The following FRAS1 variants were observed in gnomAD, a reference collection of about 807,000 sequenced individuals.
FRAS1 encodes the protein Fraser extracellular matrix complex subunit 1.
A neutral mutation model predicts 435.2 loss-of-function variants in FRAS1; 290 were observed. That is an observed-to-expected ratio of 0.67 (90% CI 0.61 to 0.73). FRAS1 has a LOEUF of 0.73. Ranked by LOEUF, FRAS1 falls within the 30% of genes least tolerant of loss-of-function variation. The probability of loss-of-function intolerance (pLI) is 0.00; values close to 1 mark genes in which losing one functional copy is unlikely to be tolerated. For synonymous variants in FRAS1, 1,800 were observed against 1,851.0 expected (o/e 0.97, Z 0.71); for missense variants, 4,860 against 5,001.5 (o/e 0.97, Z 0.85).
At chr4:78,126,067 C>T (rs1404915195) in intron 2 of FRAS1, among the ~76,000 whole-genome samples, 1 of 152,186 alleles carries the variant, frequency 6.6e-6, no homozygotes, top group East Asian at 1.9e-4. Flanking sequence ...GCTTTGTTTA[C>T]ACTGTGAGCA....
rs369148669 is a variant in FRAS1 at position 78,508,869 on chromosome 4, C to T, written c.9643C>T (p.Arg3215Cys). Residue 3215 changes from arginine (R) to cysteine (C), a missense_variant, in exon 63 of 74, where the codon CGC becomes TGC. Coordinates refer to ENST00000512123, the MANE Select transcript of FRAS1 (RefSeq NM_025074.7). ...CCCCAGATACGCTGTCATGAAGGAG[C>T]GCTGCAGTGAGGCCGGCATCAACCA... ...HFPRYAVMKE[R>C]CSEAGINQTS... 120 of 1,613,720 alleles carry T rather than the reference C, an allele frequency of 7.4e-5. No homozygotes were observed. The highest frequency in any genetic ancestry group is 3.8e-4 in the South Asian group (35 of 91,076).
chr4:78,329,376 C>T (rs998426563), intron 18 of FRAS1, among the ~76,000 whole-genome samples: 6 of 152,166 alleles, frequency 3.9e-5, no homozygotes, highest in African/African-American at 1.2e-4. Flanking sequence ...AGTGCTACAG[C>T]GAATTCTAAA....
At chr4:78,277,872 C>T (rs973608807) in intron 9 of FRAS1, among the ~76,000 whole-genome samples, 27 of 151,384 alleles carry the variant, frequency 1.8e-4, no homozygotes, top group Non-Finnish European at 2.4e-4. Context: ...AGTGCAGTGG[C>T]GTGATCTCGG....
At chr4:78,090,608 T>C (rs1032540139) in intron 2 of FRAS1, among the ~76,000 whole-genome samples, 1 of 152,288 alleles carries the variant, frequency 6.6e-6, no homozygotes. Context: ...CCCCAAACCA[T>C]TAACTCATCT....
At chr4:78,329,521 C>T (rs867052749) in intron 18 of FRAS1, among the ~76,000 whole-genome samples, 1 of 152,198 alleles carries the variant, frequency 6.6e-6, no homozygotes, top group East Asian at 1.9e-4. Flanking sequence ...GATTGGCAAG[C>T]CAATTTCACC....
intron 70 of FRAS1, among the ~76,000 whole-genome samples, chr4:78,528,719 T>C (rs1721619040): frequency 6.6e-6 from 1 of 152,224 alleles, no homozygotes; most frequent in Non-Finnish European, 1.5e-5. Flanking sequence ...TCTATGAACC[T>C]ACATGTACGA....
chr4:78,300,203 TC>T (rs1318977628), intron 14 of FRAS1, among the ~76,000 whole-genome samples: 17 of 152,314 alleles, frequency 1.1e-4, no homozygotes, highest in African/African-American at 3.8e-4. Flanking sequence ...GATCTTTGCA[TC>T]CACATCTTTA....
chr4:78,165,852 C>A (rs1721314444), intron 2 of FRAS1, among the ~76,000 whole-genome samples: 2 of 152,100 alleles, frequency 1.3e-5, no homozygotes, highest in Non-Finnish European at 2.9e-5. Flanking sequence ...ACACATGTAT[C>A]CCCAAAGAGT....
At chr4:78,237,112 CT>C (rs1471170334) in intron 2 of FRAS1, among the ~76,000 whole-genome samples, 1 of 151,946 alleles carries the variant, frequency 6.6e-6, no homozygotes, top group Non-Finnish European at 1.5e-5. Context: ...GCGAATACTG[CT>C]TTTAGGATGC....
chr4:78,199,147 A>G (rs989877809), intron 2 of FRAS1, among the ~76,000 whole-genome samples: 3 of 152,222 alleles, frequency 2.0e-5, no homozygotes, highest in Non-Finnish European at 2.9e-5. Context: ...GTCACTAGGT[A>G]GTAGGCATAT....
chr4:78,422,439 A>G (rs1437234203), intron 34 of FRAS1, among the ~76,000 whole-genome samples: 1 of 152,178 alleles, frequency 6.6e-6, no homozygotes, highest in African/African-American at 2.4e-5. Context: ...AATCAGACTG[A>G]CCTAGACTGA....
chr4:78,448,005 A>G (rs1718905741), intron 43 of FRAS1, 48 bp from the exon 44 acceptor site: 1 of 1,470,806 alleles, frequency 6.8e-7, no homozygotes, highest in Non-Finnish European at 9.2e-7. Context: ...AATCATATAT[A>G]TATGTGTATT....
At chr4:78,490,090 A>C (rs1269555367) in intron 59 of FRAS1, among the ~76,000 whole-genome samples, 1 of 152,114 alleles carries the variant, frequency 6.6e-6, no homozygotes, top group Non-Finnish European at 1.5e-5. Context: ...TAAAGGGATC[A>C]ATGCAACAAC....
chr4:78,089,131 G>T (rs1462800662), intron 2 of FRAS1, among the ~76,000 whole-genome samples: 1 of 151,982 alleles, frequency 6.6e-6, no homozygotes, highest in Non-Finnish European at 1.5e-5. Flanking sequence ...CCTTTGTAGG[G>T]ACATGGATGA....
At chr4:78,280,070 C>CA (rs1727256135) in intron 10 of FRAS1, among the ~76,000 whole-genome samples, 3 of 152,220 alleles carry the variant, frequency 2.0e-5, no homozygotes, top group African/African-American at 7.2e-5. Context: ...TTCACAGTTT[C>CA]ATAGAAAGAT....
At chr4:78,091,950 C>T (rs1333107037) in intron 2 of FRAS1, among the ~76,000 whole-genome samples, 1 of 111,044 alleles carries the variant, frequency 9.0e-6, no homozygotes, top group African/African-American at 3.4e-5. Flanking sequence ...AGTTTGAGAC[C>T]AACCTGGGAA....
chr4:78,402,316 G>T (rs1732924004), intron 30 of FRAS1, among the ~76,000 whole-genome samples: 1 of 151,718 alleles, frequency 6.6e-6, no homozygotes, highest in Non-Finnish European at 1.5e-5. Context: ...ATTTTCTGTA[G>T]GGAGAAAAAA....
intron 15 of FRAS1, among the ~76,000 whole-genome samples, chr4:78,312,879 G>GAGAGAGAAAGAAAGAA (rs143465313): frequency 7.7e-6 from 1 of 129,074 alleles, no homozygotes; most frequent in Admixed American, 8.3e-5. Flanking sequence ...GAGAGAGAGA[G>GAGAGAGAAAGAAAGAA]AGAAAGAAAG....
At chr4:78,462,645 C>T (rs1719405404) in intron 47 of FRAS1, among the ~76,000 whole-genome samples, 2 of 152,100 alleles carry the variant, frequency 1.3e-5, no homozygotes, top group African/African-American at 4.8e-5. Context: ...TTAAATTTCT[C>T]AGTGCAGCAA....
Sources: gnomAD v4.1 joint callset for allele counts (sites outside exome capture counted in the v4.1 genomes callset) on GRCh38, gnomAD v4.1.1 for gene constraint, MANE v1.5 for transcripts, NCBI Gene and HGNC (gene_info 2026-07-23, HGNC 2026-07-21) for gene names.